The following PDE1A variants were observed in gnomAD, a reference collection of about 807,000 sequenced individuals.
PDE1A encodes phosphodiesterase 1A, also known as dual specificity calcium/calmodulin-dependent 3',5'-cyclic nucleotide phosphodiesterase 1A.
Under a neutral mutation model 61.7 loss-of-function variants are expected in PDE1A, and 35 were observed. The observed-to-expected ratio is 0.57, with a 90% CI of 0.43 to 0.75. The LOEUF (loss-of-function observed/expected upper bound fraction) is 0.75. Ranked by LOEUF, PDE1A falls within the 30% of genes least tolerant of loss-of-function variation. PDE1A has a pLI of 0.00. For synonymous variants in PDE1A, 232 were observed against 213.2 expected (o/e 1.09, Z -0.77); for missense variants, 597 against 630.6 (o/e 0.95, Z 0.57).
At chr2:182,522,244 G>C in intron 2 of PDE1A, 1 of 1,553,938 alleles carries the variant, frequency 6.4e-7, no homozygotes, top group South Asian at 1.1e-5. Context: ...CAAATCTTTT[G>C]GGGGGAAATA....
At chr2:182,438,069 C>A (rs1684555760) in intron 2 of PDE1A, among the ~76,000 whole-genome samples, 1 of 151,782 alleles carries the variant, frequency 6.6e-6, no homozygotes, top group Admixed American at 6.6e-5. Flanking sequence ...TTTTCAAGGT[C>A]AAGTTATTCA....
intron 2 of PDE1A, among the ~76,000 whole-genome samples, chr2:182,432,243 A>G (rs1189476334): frequency 6.6e-6 from 1 of 152,092 alleles, no homozygotes; most frequent in Non-Finnish European, 1.5e-5. Context: ...ATGTTAAGTT[A>G]TTTAAATTTA....
the PDE1A span, among the ~76,000 whole-genome samples, chr2:182,567,747 T>C: frequency 6.6e-6 from 1 of 152,060 alleles, no homozygotes; most frequent in East Asian, 1.9e-4. Flanking sequence ...ATCTTTTATA[T>C]AACGTATAAA....
intron 7 of PDE1A, among the ~76,000 whole-genome samples, chr2:182,211,054 C>A (rs1379924427): frequency 1.3e-5 from 2 of 152,198 alleles, no homozygotes; most frequent in African/African-American, 4.8e-5. Flanking sequence ...CAAACCCTCT[C>A]TGGCAAGCCC....
intron 3 of PDE1A, among the ~76,000 whole-genome samples, chr2:182,238,988 G>A (rs1690284294): frequency 6.6e-6 from 1 of 151,994 alleles, no homozygotes; most frequent in Admixed American, 6.6e-5. Context: ...TGTTTCATCT[G>A]TGATTCTCTC....
the PDE1A span, among the ~76,000 whole-genome samples, chr2:182,530,615 G>C: frequency 6.6e-6 from 1 of 152,020 alleles, no homozygotes; most frequent in African/African-American, 2.4e-5. Context: ...GAAAGATGTG[G>C]CACAGCTTTT....
intron 1 of PDE1A, among the ~76,000 whole-genome samples, chr2:182,420,874 T>C (rs956806925): frequency 6.6e-6 from 1 of 152,206 alleles, no homozygotes; most frequent in Non-Finnish European, 1.5e-5. Context: ...AAATGTTGAA[T>C]TTTCCTCAAT....
intron 2 of PDE1A, among the ~76,000 whole-genome samples, chr2:182,472,626 A>C (rs1303465236): frequency 1.3e-5 from 2 of 151,906 alleles, no homozygotes; most frequent in Non-Finnish European, 2.9e-5. Flanking sequence ...TACTCTAGTT[A>C]TGGATGCACT....
intron 1 of PDE1A, among the ~76,000 whole-genome samples, chr2:182,319,051 T>C (rs1193095202): frequency 6.6e-6 from 1 of 152,148 alleles, no homozygotes; most frequent in African/African-American, 2.4e-5. Flanking sequence ...GTTTTGAAAA[T>C]GCAAGATTAT....
rs555887361 is a variant in PDE1A at position 182,186,149 on chromosome 2, A to C, written c.1329-70T>G. ...GGGGTGAACAAGGAAAACCTGAAAA[A>C]CTTTACAAAACCGACTAGAAAAGCA... On this transcript the variant is annotated intron_variant, in intron 12 of 13. Coordinates refer to ENST00000351439, the Ensembl canonical transcript of PDE1A. The C allele has an allele frequency of 3.3e-6, 5 of 1,509,954 alleles. No homozygotes were observed. In the East Asian group the frequency reaches 1.1e-4, roughly 34 times the overall value. 93.5% of individuals were successfully genotyped at this position (1,509,954 alleles called of 1,614,324 possible).
At chr2:182,647,207 G>A in the PDE1A span, among the ~76,000 whole-genome samples, 7 of 152,140 alleles carry the variant, frequency 4.6e-5, no homozygotes, top group Admixed American at 4.6e-4. Flanking sequence ...TCTCTCAGGG[G>A]ACATCACTGC....
chr2:182,409,311 T>C lies in PDE1A; in HGVS notation c.53+17267A>G, dbSNP rs150474095. On this transcript the variant is annotated intron_variant, in intron 1 of 13. Coordinates refer to ENST00000351439, the Ensembl canonical transcript of PDE1A. ...ACAGAATAATGACTTCAATGATTAATCTCAAATATTGGATACAAACTTAAT... is the reference window on the plus strand; with the variant it reads ...ACAGAATAATGACTTCAATGATTAACCTCAAATATTGGATACAAACTTAAT... Among the ~76,000 whole-genome samples the C allele has an allele frequency of 9.6e-3, 1,469 of 152,268 alleles. 23 individuals are homozygous for C. The highest frequency in any genetic ancestry group is 0.033 in the African/African-American group (1,385 of 41,552).
In PDE1A at chr2:182,244,254, G is replaced by A. The variant is rs73047905; in HGVS notation, c.168-3962C>T. 7.1e-3 allele frequency among the ~76,000 whole-genome samples: 1,083 copies of A among 152,008 alleles called. 9 individuals carry two copies. Among genetic ancestry groups the A allele is most frequent in the African/African-American group, 0.024 (994 of 41,464 alleles). On this transcript the variant is annotated intron_variant, in intron 2 of 13. Transcript: ENST00000351439. Reference sequence around the variant, plus strand: ...TCTCTTCTTCAGGGAAATGGATTATGCCTATCAGAGATCTCTTTTATCTAG... The same window carrying A: ...TCTCTTCTTCAGGGAAATGGATTATACCTATCAGAGATCTCTTTTATCTAG...
chr2:182,185,543 A>G (rs952556207), intron 13 of PDE1A, among the ~76,000 whole-genome samples: 17 of 152,170 alleles, frequency 1.1e-4, no homozygotes, highest in African/African-American at 3.9e-4. Flanking sequence ...CACAAAAGCC[A>G]CTTACCAAGT....
the PDE1A span, among the ~76,000 whole-genome samples, chr2:182,669,079 C>T: frequency 0.64 from 97,542 of 151,502 alleles, 31,801 homozygotes; most frequent in Middle Eastern, 0.78. Flanking sequence ...AGGAGAGAAA[C>T]AGCCTTTCAG....
chr2:182,564,782 T>C, the PDE1A span, among the ~76,000 whole-genome samples: 1 of 152,176 alleles, frequency 6.6e-6, no homozygotes, highest in African/African-American at 2.4e-5. Context: ...AAACTTCCCT[T>C]CTCGCTTCAT....
intron 1 of PDE1A, among the ~76,000 whole-genome samples, chr2:182,308,628 A>C (rs1219829149): frequency 6.6e-6 from 1 of 152,114 alleles, no homozygotes; most frequent in East Asian, 1.9e-4. Context: ...TATTTGGTCA[A>C]GCATAGTTTT....
At chr2:182,559,595 T>A in the PDE1A span, among the ~76,000 whole-genome samples, 1 of 152,166 alleles carries the variant, frequency 6.6e-6, no homozygotes, top group African/African-American at 2.4e-5. Context: ...TGAACATAGG[T>A]ATACCCCATG....
intron 7 of PDE1A, among the ~76,000 whole-genome samples, chr2:182,207,769 G>A (rs192549948): frequency 1.2e-3 from 185 of 152,332 alleles, no homozygotes; most frequent in Non-Finnish European, 2.2e-3. Flanking sequence ...AGGCCTAGCA[G>A]GGAAAAATGG....
Sources: gnomAD v4.1 joint callset for allele counts (sites outside exome capture counted in the v4.1 genomes callset) on GRCh38, gnomAD v4.1.1 for gene constraint, MANE v1.5 for transcripts, NCBI Gene and HGNC (gene_info 2026-07-23, HGNC 2026-07-21) for gene names.